CIC: variants seen among roughly 807,000 people sequenced by gnomAD.
CIC encodes capicua transcriptional repressor.
Under a neutral mutation model 115.7 loss-of-function variants are expected in CIC, and 18 were observed. The ratio of observed to expected loss-of-function variants is 0.16; its 90% CI spans 0.11 to 0.23. The LOEUF (loss-of-function observed/expected upper bound fraction) is 0.23, where lower values mean the gene tolerates loss of function less well. Ranked by LOEUF, CIC falls within the 10% of genes least tolerant of loss-of-function variation. CIC has a pLI of 1.00. For synonymous variants in CIC, 1,076 were observed against 923.0 expected (o/e 1.17, Z -3.01); for missense variants, 2,000 against 2,159.3 (o/e 0.93, Z 1.46).
intron 2 of CIC, chr19:42,284,705 A>G (rs1477451495): frequency 6.5e-7 from 1 of 1,548,922 alleles, no homozygotes; most frequent in African/African-American, 1.4e-5. Context: ...GCGCCGGACC[A>G]TGTATTCGGC....
Position 42,272,716 on chromosome 19 carries a change from A to G in CIC, c.933A>G (p.Pro311=). 1 of 398,888 alleles carries G rather than the reference A, an allele frequency of 2.5e-6. No individual in the cohort carries two copies. Among genetic ancestry groups the G allele is most frequent in the African/African-American group, 2.1e-5 (1 of 48,722 alleles). 24.7% of individuals were successfully genotyped at this position (398,888 alleles called of 1,614,324 possible). The part of the protein sequence containing the change: ...SPGPSSQPGL[P]GSLPQPPQPL... ...GCCCCAGCTCCCAGCCAGGCCTACC[A>G]GGCAGCCTCCCGCAGCCCCCACAGC... The change falls in exon 2 of 21, where the codon CCA becomes CCG. Residue 311 remains proline (P), a synonymous_variant. Coordinates refer to ENST00000681038, the MANE Select transcript of CIC (RefSeq NM_001386298.1).
chr19:42,285,530 A>C (rs2037572843), intron 2 of CIC, among the ~76,000 whole-genome samples: 1 of 152,158 alleles, frequency 6.6e-6, no homozygotes, highest in South Asian at 2.1e-4. Flanking sequence ...CCCTCTCAGA[A>C]TCAGGTCTCG....
chr19:42,291,996 T>C, intron 12 of CIC, 90 bp from the exon 13 acceptor site: 2 of 1,583,064 alleles, frequency 1.3e-6, no homozygotes, highest in Non-Finnish European at 1.7e-6. Flanking sequence ...TTCCTTGCTT[T>C]TGCTTAGAGT....
Position 42,287,841 on chromosome 19 carries a change from A to G in CIC, c.3524A>G (p.Asp1175Gly). 1 of 1,613,734 alleles carries G rather than the reference A, an allele frequency of 6.2e-7. No homozygotes were observed. Among genetic ancestry groups the G allele is most frequent in the Non-Finnish European group, 8.5e-7 (1 of 1,179,820 alleles). The change falls in exon 7 of 21, where the codon GAT becomes GGT. Residue 1175 changes from aspartate (D) to glycine (G), a missense_variant. By Grantham distance (94) the Asp-to-Gly change is moderately conservative (BLOSUM62 -1). Around this residue, in one of 8 missense-constraint regions of CIC, gnomAD observed 22 missense variants for 93.8 expected, o/e 0.23. Transcript: ENST00000681038. This position sits in a 1 kb window ranked among gnomAD's most constrained non-coding sequence, Gnocchi z 8.7. The stretch of plus-strand genomic sequence containing the variant: ...GAGGCCCACTTCAAGGCCCACCCAG[A>G]TTGGAAGTGGTGCAACAAGGACCGA... ...VKEAHFKAHP[D>G]WKWCNKDRKK...
At position 42,270,728 on chromosome 19, in the gene CIC, G is replaced by A. The variant is rs915535604; in HGVS notation, c.-10-1046G>A. On this transcript the variant is annotated intron_variant, in intron 1 of 20. Coordinates refer to ENST00000681038, the MANE Select transcript of CIC (RefSeq NM_001386298.1). The surrounding 1 kb of genome is among the most constrained non-coding windows in gnomAD (Gnocchi z 4.1). The stretch of plus-strand genomic sequence containing the variant: ...GCAAGAAGAGGGGGGCTGGGCTTGC[G>A]GGTATCACGCTGGGTGCTGTGGGGG... 1.3e-5 allele frequency among the ~76,000 whole-genome samples: 2 copies of A among 152,072 alleles called. No individual in the cohort carries two copies. The highest frequency in any genetic ancestry group is 2.4e-5 in the African/African-American group (1 of 41,410).
At chr19:42,274,657 C>T (rs2036900926) in intron 2 of CIC, 80 bp downstream of exon 2, 1 of 398,300 alleles carries the variant, frequency 2.5e-6, no homozygotes, top group East Asian at 3.6e-5. Flanking sequence ...GAGAGGTGAG[C>T]TCCTCACCTT....
Position 42,292,689 on chromosome 19 carries a change from C to G in CIC, c.6026C>G (p.Pro2009Arg). Reference sequence around the variant, plus strand: ...ATAACAGCATTTTACTCTGGCAGCCCTGCACCCACCTCCTCAGCACCCCTG... The same window carrying G: ...ATAACAGCATTTTACTCTGGCAGCCGTGCACCCACCTCCTCAGCACCCCTG... ...PVITAFYSGS[P>R]APTSSAPLAQ... is the part of the protein sequence containing the mutation. The change falls in exon 15 of 21, where the codon CCT (proline) becomes CGT (arginine). Residue 2009 changes from proline to arginine, a missense_variant. Around this residue, in one of 8 missense-constraint regions of CIC, gnomAD observed 1,466 missense variants for 1,390.4 expected, o/e 1.05. Coordinates refer to ENST00000681038, the MANE Select transcript of CIC (RefSeq NM_001386298.1). The G allele has an allele frequency of 6.2e-7, 1 of 1,613,926 alleles. No individual in the cohort carries two copies. Among genetic ancestry groups the G allele is most frequent in the Non-Finnish European group, 8.5e-7 (1 of 1,179,980 alleles).
intron 2 of CIC, among the ~76,000 whole-genome samples, chr19:42,276,605 A>G (rs1467702579): frequency 6.6e-6 from 1 of 152,194 alleles, no homozygotes; most frequent in African/African-American, 2.4e-5. Context: ...TCATATACAG[A>G]ACTGAGGCTG....
chr19:42,289,983 A>G, intron 10 of CIC, 32 bp downstream of exon 10: 1 of 1,532,778 alleles, frequency 6.5e-7, no homozygotes, highest in African/African-American at 1.4e-5. Context: ...CTGTCCCATC[A>G]CACTCCCTCC....
At chr19:42,289,444 A>C in intron 9 of CIC, 38 bp downstream of exon 9, 1 of 1,548,472 alleles carries the variant, frequency 6.5e-7, no homozygotes, top group Non-Finnish European at 8.7e-7. Flanking sequence ...CCCAGGACCC[A>C]GCAGGCCAAG....
chr19:42,290,876 A>G lies in CIC; in HGVS notation c.4835A>G (p.Asp1612Gly). ...TSGRAEASPN[D>G]TAGARTEMGT... ...GGCCGGGCTGAGGCGTCTCCAAATG[A>G]CACAGCAGGTGCCAGGACTGAAATG... Residue 1612 changes from aspartate to glycine, a missense_variant, in exon 11 of 21, where the codon GAC becomes GGC. Coordinates refer to ENST00000681038, the MANE Select transcript of CIC (RefSeq NM_001386298.1). 1 of 1,612,970 alleles carries G rather than the reference A, an allele frequency of 6.2e-7. No homozygotes were observed.
In CIC at chr19:42,287,453, C is replaced by T. The variant is rs2037739658; in HGVS notation, c.3309+4C>T. 6.2e-7 allele frequency: 1 copy of T among 1,613,086 alleles called. No homozygotes were observed. Among genetic ancestry groups the T allele is most frequent in the Non-Finnish European group, 8.5e-7 (1 of 1,180,020 alleles). On this transcript the variant is annotated splice_donor_region_variant and intron_variant, in intron 5 of 20. Transcript: ENST00000681038. This position sits in a 1 kb window ranked among gnomAD's most constrained non-coding sequence, Gnocchi z 8.7. ...GGATGGACGCAGCCCCAACAAGGTA[C>T]TTTATCCCTGCCTGTCCTGTGCTCA...
rs2147336590 is a variant in CIC, at chr19:42,293,848, C to G, written c.6767+12C>G. On this transcript the variant is annotated intron_variant, in intron 17 of 20. Coordinates refer to ENST00000681038, the MANE Select transcript of CIC (RefSeq NM_001386298.1). ...GACTCTGTGGACAAGTGAGCATGGGCTGGGGCCTTGGTGGAGCGTGTTAGG... is the reference window on the plus strand; with the variant it reads ...GACTCTGTGGACAAGTGAGCATGGGGTGGGGCCTTGGTGGAGCGTGTTAGG... The G allele has an allele frequency of 1.2e-6, 2 of 1,613,028 alleles. No individual in the cohort carries two copies. The highest frequency in any genetic ancestry group is 1.7e-6 in the Non-Finnish European group (2 of 1,179,814).
chr19:42,292,016 G>A (rs1873939178), intron 12 of CIC, 70 bp from the exon 13 acceptor site: 2 of 1,606,990 alleles, frequency 1.2e-6, no homozygotes, highest in Non-Finnish European at 8.5e-7. Context: ...TCCCACTTGA[G>A]GTCTTGGTCT....
In CIC at chr19:42,293,183, C is replaced by G. The variant is rs1222906423; in HGVS notation, c.6424C>G (p.Pro2142Ala). The change falls in exon 16 of 21, where the codon CCA becomes GCA. Residue 2142 changes from proline (P) to alanine (A), a missense_variant. Transcript: ENST00000681038. The stretch of plus-strand genomic sequence containing the variant: ...GGGGCAGCCCACACCACCAGCCCCT[C>G]CACCCCTGCCAGAGACCTGGACTCC... Reference protein sequence around the residue: ...LEGQPTPPAPPPLPETWTPTA... With the variant: ...LEGQPTPPAPAPLPETWTPTA... 3.1e-6 allele frequency: 5 copies of G among 1,601,774 alleles called. No individual in the cohort carries two copies. Among genetic ancestry groups the G allele is most frequent in the Non-Finnish European group, 4.3e-6 (5 of 1,174,970 alleles).
In CIC at chr19:42,294,422, G is replaced by A; in HGVS notation, c.7054+118G>A. 3 of 1,565,078 alleles carry A rather than the reference G, an allele frequency of 1.9e-6. No individual in the cohort carries two copies. In the South Asian group the frequency reaches 3.4e-5, roughly 18 times the overall value. On this transcript the variant is annotated intron_variant, in intron 19 of 20. Coordinates refer to ENST00000681038, the MANE Select transcript of CIC (RefSeq NM_001386298.1). ...TCCATCCAGGCTGGGAGGAAGCACA[G>A]CCTGTCAGTGGTGGGTTCTGGAGTC...
In CIC at chr19:42,295,458, T is replaced by G; in HGVS notation, c.*267T>G. 4.6e-6 allele frequency: 2 copies of G among 431,900 alleles called. No individual in the cohort carries two copies. Among genetic ancestry groups the G allele is most frequent in the Non-Finnish European group, 8.3e-6 (2 of 240,470 alleles). The allele number at this position is 431,900 out of a possible 1,614,324, so 26.8% of individuals were successfully genotyped here. On this transcript the variant is annotated 3_prime_UTR_variant, in exon 21 of 21. Transcript: ENST00000681038. ...GTGTGACCTTCAGAGCTTTTCACTT[T>G]ATGCAAAATGGCTCCTGTGAGGGCT...
In CIC at chr19:42,287,795, G is replaced by A. The variant is rs768050205; in HGVS notation, c.3493-15G>A. Reference sequence around the variant, plus strand: ...GGGTGGGTGAGTGAAGGGTTGCCCTGCCCTCTCCTGCCAGGTGAAGGAGGC... The same window carrying A: ...GGGTGGGTGAGTGAAGGGTTGCCCTACCCTCTCCTGCCAGGTGAAGGAGGC... On this transcript the variant is annotated splice_polypyrimidine_tract_variant and intron_variant, in intron 6 of 20. Coordinates refer to ENST00000681038, the MANE Select transcript of CIC (RefSeq NM_001386298.1). The surrounding 1 kb of genome is among the most constrained non-coding windows in gnomAD (Gnocchi z 8.7). 2 of 1,613,986 alleles carry A rather than the reference G, an allele frequency of 1.2e-6. No individual in the cohort carries two copies. The highest frequency in any genetic ancestry group is 3.3e-5 in the Admixed American group (2 of 60,006).
At chr19:42,283,570 T>C (rs1007610090) in intron 2 of CIC, among the ~76,000 whole-genome samples, 1 of 151,878 alleles carries the variant, frequency 6.6e-6, no homozygotes, top group Non-Finnish European at 1.5e-5. Context: ...GGAGTGTGAG[T>C]GTGAGTAGGT....
Sources: allele counts gnomAD v4.1 joint callset (sites outside exome capture counted in the v4.1 genomes callset), GRCh38; gene constraint gnomAD v4.1.1; regional missense constraint gnomAD v4.1.1; non-coding constraint Gnocchi (gnomAD v3.1); transcripts MANE v1.5; gene names NCBI Gene and HGNC (gene_info 2026-07-23, HGNC 2026-07-21).